Variants in DPP6 observed in about 807,000 individuals in gnomAD.
DPP6 encodes the protein dipeptidyl peptidase like 6.
In DPP6, 69 loss-of-function variants were observed where a neutral mutation model predicts 122.6. The observed-to-expected ratio is 0.56, with a 90% confidence interval of 0.46 to 0.69. DPP6 has a LOEUF of 0.69. Among genes scored for constraint, DPP6 ranks in the 30% least tolerant of loss-of-function variants. The probability of loss-of-function intolerance (pLI) is 0.00; values close to 1 mark genes in which losing one functional copy is unlikely to be tolerated. For missense variants in DPP6, 928 were observed against 1,116.9 expected (o/e 0.83, Z 2.41); for synonymous variants, 418 against 433.1 (o/e 0.97, Z 0.43).
the DPP6 span, among the ~76,000 whole-genome samples, chr7:153,794,247 G>A: frequency 6.6e-6 from 1 of 152,246 alleles, no homozygotes; most frequent in African/African-American, 2.4e-5. Context: ...GAAAGCAGCT[G>A]GGATGGAGGC....
At chr7:154,711,939 T>TAC (rs57187871) in intron 7 of DPP6, among the ~76,000 whole-genome samples, 56 of 63,834 alleles carry the variant, frequency 8.8e-4, no homozygotes, top group South Asian at 1.2e-3. Context: ...TGTCACTTAA[T>TAC]ACACACACAC....
At position 154,892,540 on chromosome 7, in the gene DPP6, T is replaced by C; in HGVS notation, c.*60T>C. 4 of 1,599,568 alleles carry C rather than the reference T, an allele frequency of 2.5e-6. No individual in the cohort carries two copies. The highest frequency in any genetic ancestry group is 3.4e-6 in the Non-Finnish European group (4 of 1,171,272). ...CTACAACCAGATGCAACCGAGGGAT[T>C]TCCCTGCCCTCCCTCTTCCCTCGGA... On this transcript the variant is annotated 3_prime_UTR_variant, in exon 26 of 26. Transcript: ENST00000377770.
chr7:154,611,700 C>T (rs1013053540), intron 5 of DPP6, among the ~76,000 whole-genome samples: 15 of 152,194 alleles, frequency 9.9e-5, no homozygotes, highest in Admixed American at 7.9e-4. Context: ...ATTGGAGACT[C>T]ACATGCAATT....
At chr7:154,060,571 C>T (rs1585268554) in intron 1 of DPP6, among the ~76,000 whole-genome samples, 1 of 141,142 alleles carries the variant, frequency 7.1e-6, no homozygotes, top group South Asian at 2.3e-4. Context: ...CGGCAGGTAC[C>T]TTACGTGGGA....
intron 1 of DPP6, among the ~76,000 whole-genome samples, chr7:154,428,479 C>T (rs1198668753): frequency 6.6e-6 from 1 of 152,124 alleles, no homozygotes; most frequent in Non-Finnish European, 1.5e-5. Context: ...CCATTCAATC[C>T]AGCAACCCCA....
At chr7:153,819,867 TG>T in the DPP6 span, among the ~76,000 whole-genome samples, 7 of 152,370 alleles carry the variant, frequency 4.6e-5, no homozygotes, top group African/African-American at 1.7e-4. Context: ...CTTTTTTGTT[TG>T]TTTTTGCTTA....
At chr7:154,794,016 T>A (rs1353283544) in intron 10 of DPP6, 63 bp from the exon 11 acceptor site, 4 of 1,568,140 alleles carry the variant, frequency 2.6e-6, no homozygotes, top group Non-Finnish European at 3.5e-6. Flanking sequence ...GGGTCGGCGG[T>A]CCCCTGGCTT....
intron 1 of DPP6, among the ~76,000 whole-genome samples, chr7:154,277,575 C>G (rs1410580281): frequency 6.6e-6 from 1 of 152,122 alleles, no homozygotes; most frequent in Non-Finnish European, 1.5e-5. Context: ...ACCAGCCTGG[C>G]CAACATGGTG....
the DPP6 span, among the ~76,000 whole-genome samples, chr7:153,799,909 C>CA: frequency 6.6e-6 from 1 of 151,988 alleles, no homozygotes; most frequent in African/African-American, 2.4e-5. Context: ...CCTTTTTAGA[C>CA]AAAAAATAGC....
intron 5 of DPP6, among the ~76,000 whole-genome samples, chr7:154,632,256 A>G (rs1835451056): frequency 6.6e-6 from 1 of 152,208 alleles, no homozygotes; most frequent in African/African-American, 2.4e-5. Flanking sequence ...TAAAACATGT[A>G]AGGAGGCAGC....
At chr7:153,972,229 A>C (rs1422825664) in intron 1 of DPP6, among the ~76,000 whole-genome samples, 1 of 150,678 alleles carries the variant, frequency 6.6e-6, no homozygotes, top group Non-Finnish European at 1.5e-5. Flanking sequence ...CAGAAATGGC[A>C]AGCCCTAGGT....
intron 7 of DPP6, among the ~76,000 whole-genome samples, chr7:154,720,594 C>G (rs1187376128): frequency 6.6e-6 from 1 of 152,192 alleles, no homozygotes; most frequent in Non-Finnish European, 1.5e-5. Context: ...ATGGCAGGGC[C>G]CCCCGGCTGC....
At chr7:154,744,826 G>C (rs1842965768) in intron 8 of DPP6, among the ~76,000 whole-genome samples, 1 of 152,144 alleles carries the variant, frequency 6.6e-6, no homozygotes, top group Non-Finnish European at 1.5e-5. Context: ...AGGGTGCTTT[G>C]ATTTTTCTCA....
intron 1 of DPP6, among the ~76,000 whole-genome samples, chr7:154,388,123 G>A (rs536897205): frequency 2.6e-5 from 4 of 152,126 alleles, no homozygotes; most frequent in South Asian, 2.1e-4. Context: ...GCAACATGAC[G>A]GAACCCCATC....
the DPP6 span, among the ~76,000 whole-genome samples, chr7:153,843,132 T>G: frequency 0.35 from 52,677 of 149,430 alleles, 10,044 homozygotes; most frequent in African/African-American, 0.52. Context: ...GCATACACAC[T>G]TGCATACAGA....
chr7:154,672,647 G>C lies in DPP6; in HGVS notation c.762+3206G>C, dbSNP rs184414203. Among the ~76,000 whole-genome samples the C allele has an allele frequency of 2.4e-4, 36 of 152,248 alleles. No individual in the cohort carries two copies. In the East Asian group the frequency reaches 5.8e-3, roughly 24 times the overall value. On this transcript the variant is annotated intron_variant, in intron 7 of 25. Coordinates refer to ENST00000377770, the MANE Select transcript of DPP6 (RefSeq NM_130797.4). ...TTAATACTTGAGTTTAGTACCAAAG[G>C]TGCTATATACTTGTGGAACTTTTGA...
intron 1 of DPP6, among the ~76,000 whole-genome samples, chr7:154,217,088 CT>C (rs748073995): frequency 2.5e-3 from 361 of 147,126 alleles, no homozygotes; most frequent in Non-Finnish European, 3.4e-3. Context: ...AAACAGATTA[CT>C]TTTTTTTTTT....
Position 154,052,623 on chromosome 7 carries a change from A to C in DPP6, c.-198A>C. 2.4e-6 allele frequency: 3 copies of C among 1,268,534 alleles called. No homozygotes were observed. Among genetic ancestry groups the C allele is most frequent in the Non-Finnish European group, 3.0e-6 (3 of 998,512 alleles). 78.6% of individuals were successfully genotyped at this position (1,268,534 alleles called of 1,614,324 possible). On this transcript the variant is annotated 5_prime_UTR_variant, in exon 1 of 26. Transcript: ENST00000377770. This position sits in a 1 kb window ranked among gnomAD's most constrained non-coding sequence, Gnocchi z 4.8. ...GGGGGCGGAGGAGGCTGAGCCAGGC[A>C]GAGTCGCCAGCGGAGACTCGCGAGT... is the stretch of plus-strand genomic sequence containing the variant.
intron 1 of DPP6, among the ~76,000 whole-genome samples, chr7:154,323,716 TC>T (rs1808178112): frequency 6.6e-6 from 1 of 152,204 alleles, no homozygotes; most frequent in Non-Finnish European, 1.5e-5. Context: ...CTTTTCCTCT[TC>T]CTCTGTCACC....
Sources: allele counts gnomAD v4.1 joint callset (sites outside exome capture counted in the v4.1 genomes callset), GRCh38; gene constraint gnomAD v4.1.1; non-coding constraint Gnocchi (gnomAD v3.1); transcripts MANE v1.5; gene names NCBI Gene and HGNC (gene_info 2026-07-23, HGNC 2026-07-21).